The following CCDC38 variants were observed in gnomAD, a reference collection of about 807,000 sequenced individuals.
CCDC38 encodes the protein coiled-coil domain-containing protein 38.
In CCDC38, 69 loss-of-function variants were observed where a neutral mutation model predicts 72.8. The observed-to-expected ratio is 0.95, with a 90% CI of 0.78 to 1.16. The LOEUF is 1.16. Among genes scored for constraint, CCDC38 ranks in the 50% most tolerant of loss-of-function variants. The pLI, the probability that CCDC38 is intolerant of heterozygous loss-of-function variation, is 0.00. For synonymous variants in CCDC38, 201 were observed against 213.2 expected (o/e 0.94, Z 0.50); for missense variants, 626 against 638.9 (o/e 0.98, Z 0.22).
At chr12:95,894,435 G>A (rs1356386271) in intron 8 of CCDC38, among the ~76,000 whole-genome samples, 1 of 152,092 alleles carries the variant, frequency 6.6e-6, no homozygotes, top group Non-Finnish European at 1.5e-5. Flanking sequence ...TCTCATGTTG[G>A]AATTTGGTCC....
At chr12:95,894,923 C>A in intron 8 of CCDC38, 66 bp downstream of exon 8, 2 of 1,274,692 alleles carry the variant, frequency 1.6e-6, no homozygotes, top group Admixed American at 2.3e-5. Flanking sequence ...AGATAAAAAA[C>A]ATTGAAGCAG....
chr12:95,904,433 A>C (rs1175168462), intron 5 of CCDC38, among the ~76,000 whole-genome samples: 2 of 152,268 alleles, frequency 1.3e-5, no homozygotes, highest in East Asian at 3.8e-4. Context: ...TCACAAACTC[A>C]CTGAAAGCTA....
intron 2 of CCDC38, among the ~76,000 whole-genome samples, chr12:95,929,821 A>C (rs534659412): frequency 2.0e-5 from 3 of 152,208 alleles, no homozygotes; most frequent in Non-Finnish European, 2.9e-5. Context: ...GAGGTCAGAT[A>C]TCTGAAATCA....
intron 4 of CCDC38, among the ~76,000 whole-genome samples, chr12:95,911,944 A>G (rs1286026172): frequency 6.6e-6 from 1 of 152,234 alleles, no homozygotes; most frequent in Non-Finnish European, 1.5e-5. Flanking sequence ...TGTTAACCAC[A>G]GCAAATACAG....
intron 13 of CCDC38, among the ~76,000 whole-genome samples, chr12:95,875,278 G>A (rs2079623403): frequency 6.6e-6 from 1 of 152,158 alleles, no homozygotes; most frequent in Non-Finnish European, 1.5e-5. Flanking sequence ...CTGATCTGGG[G>A]GGTAGCACAC....
rs532175300 is a variant in CCDC38 at position 95,882,946 on chromosome 12, A to G, written c.921-1392T>C. 2.6e-5 allele frequency among the ~76,000 whole-genome samples: 4 copies of G among 152,206 alleles called. 1 individual carries two copies. In the South Asian group the frequency reaches 8.3e-4, roughly 32 times the overall value. Reference sequence around the variant, plus strand: ...CTCCTCAGGCAGGCCTGCTCCTCTTACTGGGTTCCCAATATTATTGGATGG... The same window carrying G: ...CTCCTCAGGCAGGCCTGCTCCTCTTGCTGGGTTCCCAATATTATTGGATGG... On this transcript the variant is annotated intron_variant, in intron 10 of 15. Coordinates refer to ENST00000344280, the MANE Select transcript of CCDC38 (RefSeq NM_182496.3).
At position 95,869,574 on chromosome 12, in the gene CCDC38, C is replaced by G. The variant is rs2079558528; in HGVS notation, c.1485-1G>C. The G allele has an allele frequency of 1.2e-6, 2 of 1,609,964 alleles. No individual in the cohort carries two copies. Among genetic ancestry groups the G allele is most frequent in the East Asian group, 2.2e-5 (1 of 44,786 alleles). ...TTCTTTCATTTTCTCATCACGAAAC[C>G]TGTCACAAGAAGGGAGAAACATTCT... is the stretch of plus-strand genomic sequence containing the variant. On this transcript the variant is annotated splice_acceptor_variant, in intron 14 of 15. Coordinates refer to ENST00000344280, the MANE Select transcript of CCDC38 (RefSeq NM_182496.3). LOFTEE classifies it high-confidence loss of function.
intron 14 of CCDC38, among the ~76,000 whole-genome samples, chr12:95,871,575 C>G (rs148429517): frequency 7.6e-4 from 116 of 152,222 alleles, no homozygotes; most frequent in African/African-American, 2.5e-3. Flanking sequence ...ATACCGCCCT[C>G]AATGCACAGA....
At chr12:95,873,718 G>A (rs867442392) in intron 13 of CCDC38, among the ~76,000 whole-genome samples, 3 of 152,152 alleles carry the variant, frequency 2.0e-5, no homozygotes, top group South Asian at 2.1e-4. Flanking sequence ...TAAAGCCAGC[G>A]ACAAATAACA....
intron 10 of CCDC38, chr12:95,885,473 A>G (rs942342209): frequency 2.2e-5 from 4 of 180,016 alleles, no homozygotes; most frequent in African/African-American, 9.4e-5. Context: ...TTGCCATTTA[A>G]CTATGAGTTT....
intron 1 of CCDC38, among the ~76,000 whole-genome samples, chr12:95,941,302 G>T (rs568191167): frequency 1.6e-4 from 24 of 152,254 alleles, no homozygotes; most frequent in Non-Finnish European, 8.8e-5. Context: ...AACTTAATTG[G>T]CCAGGAAGAC....
chr12:95,926,394 T>G (rs1233190919), intron 2 of CCDC38, among the ~76,000 whole-genome samples: 4 of 151,882 alleles, frequency 2.6e-5, no homozygotes, highest in Non-Finnish European at 4.4e-5. Flanking sequence ...GATATCCCCT[T>G]TATCATTTTT....
intron 7 of CCDC38, among the ~76,000 whole-genome samples, chr12:95,897,610 CAA>C (rs370408931): frequency 0.05 from 3,784 of 75,278 alleles, 161 homozygotes; most frequent in African/African-American, 0.14. Context: ...AACTCCCTCT[CAA>C]AAAAAAAAAA....
chr12:95,883,436 C>A (rs945426800), intron 10 of CCDC38, among the ~76,000 whole-genome samples: 1 of 152,174 alleles, frequency 6.6e-6, no homozygotes, highest in Non-Finnish European at 1.5e-5. Flanking sequence ...GAATGATAAA[C>A]CTGCCATTCT....
At chr12:95,898,226 C>A (rs1033007190) in intron 7 of CCDC38, among the ~76,000 whole-genome samples, 159 bp downstream of exon 7, 1 of 152,142 alleles carries the variant, frequency 6.6e-6, no homozygotes, top group Non-Finnish European at 1.5e-5. Context: ...CAGGCAGGAA[C>A]AAATCTTGAT....
At chr12:95,881,372 CT>C in intron 11 of CCDC38, 112 bp downstream of exon 11, 2 of 724,796 alleles carry the variant, frequency 2.8e-6, no homozygotes, top group Non-Finnish European at 4.5e-6. Flanking sequence ...ATATTTCTTT[CT>C]GGAAGGTTTG....
intron 10 of CCDC38, among the ~76,000 whole-genome samples, chr12:95,886,588 TA>T (rs1380239202): frequency 6.6e-6 from 1 of 152,188 alleles, no homozygotes; most frequent in African/African-American, 2.4e-5. Flanking sequence ...TAGTATCTAA[TA>T]TATACAGAAT....
chr12:95,902,184 T>A (rs2079957214), intron 5 of CCDC38, among the ~76,000 whole-genome samples: 1 of 152,148 alleles, frequency 6.6e-6, no homozygotes. Context: ...AATTGTAGAA[T>A]CATTTTCATA....
At chr12:95,923,582 T>A (rs1285793776) in intron 2 of CCDC38, among the ~76,000 whole-genome samples, 4 of 152,068 alleles carry the variant, frequency 2.6e-5, no homozygotes, top group African/African-American at 4.8e-5. Flanking sequence ...AGGGTACATG[T>A]GCACAATGTG....
Sources: allele counts gnomAD v4.1 joint callset (sites outside exome capture counted in the v4.1 genomes callset), GRCh38; gene constraint gnomAD v4.1.1; transcripts MANE v1.5; gene names NCBI Gene and HGNC (gene_info 2026-07-23, HGNC 2026-07-21).